The following TECTA variants were observed in gnomAD, a reference collection of about 807,000 sequenced individuals.
The protein encoded by TECTA is alpha-tectorin.
Under a neutral mutation model 216.8 loss-of-function variants are expected in TECTA, and 128 were observed. That is an observed-to-expected ratio of 0.59 (90% CI 0.51 to 0.68). The LOEUF is 0.68. Among genes scored for constraint, TECTA ranks in the 30% least tolerant of loss-of-function variants. The pLI, the probability that TECTA is intolerant of heterozygous loss-of-function variation, is 0.00. For synonymous variants in TECTA, 1,089 were observed against 1,117.1 expected, an observed-to-expected ratio of 0.97 and a Z score of 0.50; for missense variants, 2,551 against 2,786.2, an observed-to-expected ratio of 0.92 and a Z score of 1.90.
At chr11:121,123,315 C>T (rs940799019) in intron 7 of TECTA, among the ~76,000 whole-genome samples, 1 of 152,208 alleles carries the variant, frequency 6.6e-6, no homozygotes, top group Non-Finnish European at 1.5e-5. Context: ...GCCACTTACT[C>T]ACCCGTACTA....
intron 10 of TECTA, among the ~76,000 whole-genome samples, chr11:121,133,810 C>A (rs1427210141): frequency 6.6e-6 from 1 of 152,172 alleles, no homozygotes; most frequent in Non-Finnish European, 1.5e-5. Flanking sequence ...ATTCCCTGGT[C>A]AAGGTGTTAG....
chr11:121,112,175 A>G (rs1353745591), intron 4 of TECTA, among the ~76,000 whole-genome samples: 2 of 152,230 alleles, frequency 1.3e-5, no homozygotes, highest in Non-Finnish European at 2.9e-5. Context: ...AGGAAAATAT[A>G]AAGGACAGGG....
intron 11 of TECTA, among the ~76,000 whole-genome samples, chr11:121,140,203 C>T (rs900817394): frequency 2.0e-5 from 3 of 152,180 alleles, no homozygotes; most frequent in African/African-American, 4.8e-5. Flanking sequence ...TCTGAGGCTA[C>T]GCATGTTGGT....
chr11:121,145,298 C>T (rs116915300), intron 11 of TECTA, among the ~76,000 whole-genome samples: 3,446 of 152,248 alleles, frequency 0.023, 43 homozygotes, highest in Non-Finnish European at 0.034. Context: ...AATTTGAACT[C>T]CTGGGGGAAA....
In TECTA at chr11:121,103,180, C is replaced by T. The variant is rs558954676; in HGVS notation, c.64+451C>T. ...TGGTTTGTGTATCAGTGACCTTTTA[C>T]GTGGCCCTCAAATCTAAAACTTAAA... is the stretch of plus-strand genomic sequence containing the variant. On this transcript the variant is annotated intron_variant, in intron 2 of 23. Coordinates refer to ENST00000392793, the MANE Select transcript of TECTA (RefSeq NM_005422.4). Among the ~76,000 whole-genome samples the T allele has an allele frequency of 6.6e-5, 10 of 152,256 alleles. No homozygotes were observed. The East Asian group carries it at 9.6e-4, about 15-fold the overall frequency.
intron 10 of TECTA, among the ~76,000 whole-genome samples, chr11:121,132,768 G>A (rs1426969503): frequency 6.6e-6 from 1 of 152,060 alleles, no homozygotes; most frequent in Non-Finnish European, 1.5e-5. Context: ...CACCCAGGCT[G>A]GAGTGCAGTG....
chr11:121,176,957 T>C (rs1254407134), intron 20 of TECTA, among the ~76,000 whole-genome samples: 1 of 152,280 alleles, frequency 6.6e-6, no homozygotes, highest in African/African-American at 2.4e-5. Flanking sequence ...TTACTTCCAG[T>C]TGATCACATC....
In TECTA at chr11:121,137,844, G is replaced by T. The variant is rs1157325406; in HGVS notation, c.3365G>T (p.Cys1122Phe). 6.2e-7 allele frequency: 1 copy of T among 1,609,576 alleles called. No individual in the cohort carries two copies. The highest frequency in any genetic ancestry group is 8.5e-7 in the Non-Finnish European group (1 of 1,176,360). The change falls in exon 11 of 24, where the codon TGC (cysteine) becomes TTC (phenylalanine). Residue 1122 changes from cysteine to phenylalanine, a missense_variant. Physicochemically the swap from Cys to Phe is radical, Grantham distance 205 (BLOSUM62 -2). Coordinates refer to ENST00000392793, the MANE Select transcript of TECTA (RefSeq NM_005422.4). ...TTCCCCTTTGACTTCCAGACCAGCT[G>T]CCCACTCATCCTGTGCACCACAGGA... ...DGFPFDFQTSCPLILCTTGSR... is the reference protein window; with the variant it reads ...DGFPFDFQTSFPLILCTTGSR...
chr11:121,163,102 C>T (rs1053989030), intron 16 of TECTA, among the ~76,000 whole-genome samples: 1 of 152,096 alleles, frequency 6.6e-6, no homozygotes, highest in African/African-American at 2.4e-5. Context: ...TGTTCTCTGA[C>T]CCACAACACC....
At chr11:121,132,783 G>A (rs1044934731) in intron 10 of TECTA, among the ~76,000 whole-genome samples, 2 of 152,086 alleles carry the variant, frequency 1.3e-5, no homozygotes, top group Admixed American at 6.5e-5. Context: ...GCAGTGGCAT[G>A]ACCTCAGCTC....
intron 12 of TECTA, among the ~76,000 whole-genome samples, chr11:121,150,411 A>G (rs1467927768): frequency 2.0e-5 from 3 of 152,236 alleles, no homozygotes. Context: ...AGAAGAAAAC[A>G]AAGGAGCGTT....
rs549009100 is a variant in TECTA at position 121,168,468 on chromosome 11, C to T, written c.5751-209C>T. ...ACTTGAAATGTGGCTCAGGGGGCTG[C>T]GGAATTGAATTTTTAATTTTATTTA... On this transcript the variant is annotated intron_variant, in intron 19 of 23. Coordinates refer to ENST00000392793, the MANE Select transcript of TECTA (RefSeq NM_005422.4). 22 of 879,308 alleles carry T rather than the reference C, an allele frequency of 2.5e-5. No individual in the cohort carries two copies. The East Asian group carries it at 2.6e-4, about 11-fold the overall frequency. 54.5% of individuals were successfully genotyped at this position (879,308 alleles called of 1,614,324 possible). A position where few individuals can be genotyped will look rare whatever the true frequency, so the allele number is the denominator to read the frequency against.
Position 121,189,076 on chromosome 11 carries a change from G to A in TECTA, c.6163-4G>A. On this transcript the variant is annotated splice_polypyrimidine_tract_variant and splice_region_variant and intron_variant, in intron 21 of 23. Transcript: ENST00000392793. ...AAATTTCCCCCTGGTATTCTGTCTT[G>A]CAGACTTGCCCACACAATTCCAGGA... is the stretch of plus-strand genomic sequence containing the variant. 6.2e-7 allele frequency: 1 copy of A among 1,614,078 alleles called. No individual in the cohort carries two copies. Among genetic ancestry groups the A allele is most frequent in the Non-Finnish European group, 8.5e-7 (1 of 1,179,952 alleles).
At position 121,102,781 on chromosome 11, in the gene TECTA, A is replaced by G. The variant is rs754218636; in HGVS notation, c.64+52A>G. 4 of 1,492,732 alleles carry G rather than the reference A, an allele frequency of 2.7e-6. No homozygotes were observed. In the East Asian group the frequency reaches 9.0e-5, roughly 34 times the overall value. 92.5% of individuals were successfully genotyped at this position (1,492,732 alleles called of 1,614,324 possible). ...TCTCAGTTAGCATGCTCTTGAATTG[A>G]TAAAGAGACACTTTTATTGGAACCA... On this transcript the variant is annotated intron_variant, in intron 2 of 23. Coordinates refer to ENST00000392793, the MANE Select transcript of TECTA (RefSeq NM_005422.4).
In TECTA at chr11:121,158,063, G is replaced by T. The variant is rs1220758488; in HGVS notation, c.4528G>T (p.Ala1510Ser). Residue 1510 changes from alanine (A) to serine (S), a missense_variant, in exon 14 of 24, where the codon GCC (alanine) becomes TCC (serine). Physicochemically the swap from Ala to Ser is moderately conservative, Grantham distance 99 (BLOSUM62 1). Transcript: ENST00000392793. ...GAFLRFPANC[A>S]FVLSTICQKL... ...CTTCCTGCGCTTCCCAGCCAACTGC[G>T]CCTTCGTGCTGTCCACCATCTGCCA... The T allele has an allele frequency of 3.1e-6, 5 of 1,613,680 alleles. No homozygotes were observed. The South Asian group carries it at 5.5e-5, about 18-fold the overall frequency.
chr11:121,109,298 G>A lies in TECTA; in HGVS notation c.286G>A (p.Val96Ile), dbSNP rs138646574. The A allele has an allele frequency of 4.5e-5, 72 of 1,613,982 alleles. No homozygotes were observed. Among genetic ancestry groups the A allele is most frequent in the African/African-American group, 1.9e-4 (14 of 74,888 alleles). ...SFPLTDGRAF[V>I]APFWADVHNG... ...TCCCCTGACAGATGGGAGAGCCTTC[G>A]TCGCCCCATTTTGGGCAGATGTGCA... Residue 96 changes from valine (V) to isoleucine (I), a missense_variant, in exon 4 of 24, where the codon GTC becomes ATC. This residue lies in a region of TECTA where 2,375 missense variants were observed against 2,563.9 expected (regional missense o/e 0.93). Coordinates refer to ENST00000392793, the MANE Select transcript of TECTA (RefSeq NM_005422.4).
At chr11:121,179,572 G>C (rs1388172255) in intron 20 of TECTA, among the ~76,000 whole-genome samples, 1 of 152,114 alleles carries the variant, frequency 6.6e-6, no homozygotes, top group Non-Finnish European at 1.5e-5. Context: ...TGCAATTTAA[G>C]TAAATTTTTT....
chr11:121,148,712 A>G (rs1301511811), intron 12 of TECTA, among the ~76,000 whole-genome samples: 4 of 152,200 alleles, frequency 2.6e-5, no homozygotes, highest in Admixed American at 2.6e-4. Flanking sequence ...CTGCCCATCA[A>G]ATTTGTGCTT....
chr11:121,168,361 C>A, intron 19 of TECTA, 144 bp downstream of exon 19: 2 of 1,105,074 alleles, frequency 1.8e-6, no homozygotes, highest in Non-Finnish European at 2.7e-6. Context: ...TTTCAACCAA[C>A]ATTGTTCAAT....
Sources: allele counts gnomAD v4.1 joint callset (sites outside exome capture counted in the v4.1 genomes callset), GRCh38; gene constraint gnomAD v4.1.1; regional missense constraint gnomAD v4.1.1; transcripts MANE v1.5; gene names NCBI Gene and HGNC (gene_info 2026-07-23, HGNC 2026-07-21).